DNAJB13: variants seen among roughly 807,000 people sequenced by gnomAD.
DNAJB13 encodes DnaJ heat shock protein family (Hsp40) member B13.
In DNAJB13, 22 loss-of-function variants were observed where a neutral mutation model predicts 35.6. The observed-to-expected ratio is 0.62, with a 90% CI of 0.44 to 0.88. The LOEUF (loss-of-function observed/expected upper bound fraction) is 0.88. DNAJB13 is among the 40% of genes least tolerant of loss of function. The pLI is 0.00. For synonymous variants in DNAJB13, 136 were observed against 144.2 expected, an observed-to-expected ratio of 0.94 and a Z score of 0.41; for missense variants, 370 against 384.3, an observed-to-expected ratio of 0.96 and a Z score of 0.31.
chr11:73,953,078 T>C (rs962500012), intron 1 of DNAJB13, among the ~76,000 whole-genome samples: 5 of 152,022 alleles, frequency 3.3e-5, no homozygotes, highest in African/African-American at 9.7e-5. Flanking sequence ...ATTTAAAAAT[T>C]AGCTGGGCAT....
At chr11:73,952,602 A>G (rs903883422) in intron 1 of DNAJB13, among the ~76,000 whole-genome samples, 3 of 152,216 alleles carry the variant, frequency 2.0e-5, no homozygotes, top group African/African-American at 7.2e-5. Context: ...GGATCTGAGA[A>G]CAATTCAGGA....
At chr11:73,956,289 G>A (rs1033788537) in intron 1 of DNAJB13, among the ~76,000 whole-genome samples, 4 of 152,170 alleles carry the variant, frequency 2.6e-5, no homozygotes, top group Admixed American at 2.6e-4. Context: ...CACCTGAGTC[G>A]AAAGTTGAAG....
At chr11:73,964,806 T>TGAGCGC in intron 3 of DNAJB13, 72 bp from the exon 4 acceptor site, 1 of 729,730 alleles carries the variant, frequency 1.4e-6, no homozygotes, top group Non-Finnish European at 2.1e-6. Flanking sequence ...TGTGTGTGTG[T>TGAGCGC]GTGTGTGCGC....
At chr11:73,962,733 C>T (rs937774615) in intron 3 of DNAJB13, among the ~76,000 whole-genome samples, 1 of 152,182 alleles carries the variant, frequency 6.6e-6, no homozygotes, top group Non-Finnish European at 1.5e-5. Context: ...CTTTCCTTCT[C>T]TTTTCTGTGC....
intron 1 of DNAJB13, among the ~76,000 whole-genome samples, chr11:73,953,862 C>T (rs1476322099): frequency 6.6e-6 from 1 of 151,778 alleles, no homozygotes; most frequent in Non-Finnish European, 1.5e-5. Flanking sequence ...TAGCCGGGCA[C>T]CTGTAGTCCC....
At position 73,951,286 on chromosome 11, in the gene DNAJB13, T is replaced by C. The variant is rs185346131; in HGVS notation, c.68+149T>C. 37 of 1,015,426 alleles carry C rather than the reference T, an allele frequency of 3.6e-5. No homozygotes were observed. In the African/African-American group the frequency reaches 5.0e-4, roughly 14 times the overall value. The allele number at this position is 1,015,426 out of a possible 1,614,324, so 62.9% of individuals were successfully genotyped here. A position where few individuals can be genotyped will look rare whatever the true frequency, so the allele number is the denominator to read the frequency against. ...TTCTTGCATACCTGTATCCTGGCTTTGGTCTGGGTCAGGGCCCAGGTTGGA... is the reference window on the plus strand; with the variant it reads ...TTCTTGCATACCTGTATCCTGGCTTCGGTCTGGGTCAGGGCCCAGGTTGGA... On this transcript the variant is annotated intron_variant, in intron 1 of 7. Coordinates refer to ENST00000339764, the MANE Select transcript of DNAJB13 (RefSeq NM_153614.4).
In DNAJB13 at chr11:73,954,000, AAATAATAATAATAAT is replaced by A. The variant is rs71467812; in HGVS notation, c.68+2891_68+2905del. Among the ~76,000 whole-genome samples the A allele has an allele frequency of 5.4e-3, 738 of 136,452 alleles. 4 individuals are homozygous for A. Among genetic ancestry groups the A allele is most frequent in the East Asian group, 0.011 (53 of 4,738 alleles). 89.5% of individuals were successfully genotyped at this position (136,452 alleles called of 152,430 possible). Reference sequence around the variant, plus strand: ...AGACTCTGTCTCAAAAATAATAATAAAATAATAATAATAATAATAATAATAATAATAATAATAATA... The same window carrying A: ...AGACTCTGTCTCAAAAATAATAATAAAATAATAATAATAATAATAATAATA... On this transcript the variant is annotated intron_variant, in intron 1 of 7. Coordinates refer to ENST00000339764, the MANE Select transcript of DNAJB13 (RefSeq NM_153614.4).
At chr11:73,965,967 C>A in intron 4 of DNAJB13, 171 bp from the exon 5 acceptor site, 1 of 633,310 alleles carries the variant, frequency 1.6e-6, no homozygotes, top group Admixed American at 2.5e-5. Context: ...AGGCTCTCCC[C>A]ATTGCTGGAG....
chr11:73,966,675 T>C (rs1951125568), intron 5 of DNAJB13, among the ~76,000 whole-genome samples: 1 of 142,710 alleles, frequency 7.0e-6, no homozygotes, highest in South Asian at 2.1e-4. Context: ...TTTATGTATT[T>C]ATTTATTTAT....
intron 3 of DNAJB13, among the ~76,000 whole-genome samples, chr11:73,960,865 A>G (rs1251398262): frequency 6.6e-6 from 1 of 152,142 alleles, no homozygotes; most frequent in Non-Finnish European, 1.5e-5. Flanking sequence ...ATGCAAATCT[A>G]TATACTATGT....
At chr11:73,951,767 T>C (rs113321575) in intron 1 of DNAJB13, among the ~76,000 whole-genome samples, 5,964 of 152,172 alleles carry the variant, frequency 0.039, 377 homozygotes, top group African/African-American at 0.13. Context: ...CTGCCTCAGC[T>C]TCCCAAGTAG....
rs1258803785 is a variant in DNAJB13 at position 73,964,481 on chromosome 11, C to T, written c.335-397C>T. ...TGCCGAGGACTACCAGCAGTCTCTT[C>T]TGGCACTCCTGAGCGCGGCCACCAG... On this transcript the variant is annotated intron_variant, in intron 3 of 7. Coordinates refer to ENST00000339764, the MANE Select transcript of DNAJB13 (RefSeq NM_153614.4). 7.9e-6 allele frequency: 2 copies of T among 254,520 alleles called. 1 individual carries two copies. Among genetic ancestry groups the T allele is most frequent in the East Asian group, 2.6e-4 (2 of 7,660 alleles). The allele number at this position is 254,520 out of a possible 1,614,324, so 15.8% of individuals were successfully genotyped here. A position where few individuals can be genotyped will look rare whatever the true frequency, so the allele number is the denominator to read the frequency against.
chr11:73,951,184 C>T (rs377584899), intron 1 of DNAJB13, 47 bp downstream of exon 1: 101 of 1,609,052 alleles, frequency 6.3e-5, no homozygotes, highest in South Asian at 1.5e-4. Context: ...TGGGGCAGGC[C>T]CTGCCCTCTT....
At chr11:73,966,348 G>C in intron 5 of DNAJB13, 97 bp downstream of exon 5, 1 of 1,124,462 alleles carries the variant, frequency 8.9e-7, no homozygotes, top group Non-Finnish European at 1.3e-6. Context: ...ACTTTTTCCT[G>C]CCCCTGTGAG....
intron 2 of DNAJB13, among the ~76,000 whole-genome samples, chr11:73,958,748 C>T (rs1950833886): frequency 6.6e-6 from 1 of 152,204 alleles, no homozygotes; most frequent in Non-Finnish European, 1.5e-5. Context: ...CTTGCAGCTA[C>T]GGGGAAGAAA....
At chr11:73,966,366 C>A in intron 5 of DNAJB13, 115 bp downstream of exon 5, 3 of 929,316 alleles carry the variant, frequency 3.2e-6, no homozygotes, top group South Asian at 1.5e-5. Context: ...GAGCCTTGGT[C>A]TGTAGAGAGC....
intron 5 of DNAJB13, chr11:73,968,056 A>G: frequency 4.0e-6 from 2 of 499,342 alleles, no homozygotes; most frequent in Admixed American, 3.5e-5. Flanking sequence ...CGCCCAGCTT[A>G]GTGTTCCACC....
intron 7 of DNAJB13, 31 bp from the exon 8 acceptor site, chr11:73,969,930 C>G (rs771084932): frequency 2.5e-6 from 4 of 1,591,560 alleles, no homozygotes; most frequent in Non-Finnish European, 3.4e-6. Flanking sequence ...CTGGGATGCC[C>G]TCTATGCTCC....
intron 3 of DNAJB13, among the ~76,000 whole-genome samples, chr11:73,960,923 T>C (rs1950916021): frequency 6.6e-6 from 1 of 152,186 alleles, no homozygotes; most frequent in Non-Finnish European, 1.5e-5. Flanking sequence ...TAGGGATCCA[T>C]TGCAGAAGCA....
Sources: allele counts gnomAD v4.1 joint callset (sites outside exome capture counted in the v4.1 genomes callset), GRCh38; gene constraint gnomAD v4.1.1; transcripts MANE v1.5; gene names NCBI Gene and HGNC (gene_info 2026-07-23, HGNC 2026-07-21).